Variants in PTPN3 observed in about 807,000 individuals in gnomAD.
PTPN3 encodes tyrosine-protein phosphatase non-receptor type 3.
PTPN3 carries 96 observed loss-of-function variants against 132.7 expected under a neutral mutation model. The observed-to-expected ratio is 0.72, with a 90% confidence interval of 0.61 to 0.86. The LOEUF (loss-of-function observed/expected upper bound fraction) is 0.86, where lower values mean the gene tolerates loss of function less well. PTPN3 is among the 40% of genes least tolerant of loss of function. PTPN3 has a pLI of 0.00. For missense variants in PTPN3, 1,125 were observed against 1,159.6 expected, an observed-to-expected ratio of 0.97 and a Z score of 0.43; for synonymous variants, 398 against 429.0, an observed-to-expected ratio of 0.93 and a Z score of 0.89.
chr9:109,501,713 A>G (rs756380955), upstream of PTPN3, among the ~76,000 whole-genome samples: 3 of 152,190 alleles, frequency 2.0e-5, no homozygotes, highest in Non-Finnish European at 2.9e-5. Flanking sequence ...TTAAAGCCCA[A>G]TTGGGAATAG....
intron 22 of PTPN3, among the ~76,000 whole-genome samples, chr9:109,383,919 G>A (rs1839344489): frequency 6.6e-6 from 1 of 151,776 alleles, no homozygotes; most frequent in Non-Finnish European, 1.5e-5. Context: ...ACCTCCAACG[G>A]CCCCTCCTCC....
chr9:109,406,599 T>C lies in PTPN3; in HGVS notation c.1655A>G (p.Lys552Arg). The change falls in exon 18 of 26, where the codon AAG becomes AGG. Residue 552 changes from lysine (K) to arginine (R), a missense_variant. Lys to Arg is a conservative substitution (Grantham distance 26). Coordinates refer to ENST00000374541, the MANE Select transcript of PTPN3 (RefSeq NM_002829.4). ...CACGATTTGATCCCCTTCGTTCAGC[T>C]TAGGAATGCAGGTGTCCGCCTGGGT... Reference protein sequence around the residue: ...PESPADTCIPKLNEGDQIVLI... With the variant: ...PESPADTCIPRLNEGDQIVLI... 6.2e-7 allele frequency: 1 copy of C among 1,614,120 alleles called. No homozygotes were observed. The highest frequency in any genetic ancestry group is 8.5e-7 in the Non-Finnish European group (1 of 1,179,996).
chr9:109,382,531 T>G (rs1433843337), intron 23 of PTPN3, 84 bp from the exon 24 acceptor site: 4 of 1,463,486 alleles, frequency 2.7e-6, no homozygotes, highest in Non-Finnish European at 3.8e-6. Context: ...AGGGTGGCCC[T>G]GTCTCCTGAT....
At chr9:109,470,229 C>T (rs1424924248) in intron 1 of PTPN3, among the ~76,000 whole-genome samples, 1 of 152,182 alleles carries the variant, frequency 6.6e-6, no homozygotes, top group Admixed American at 6.5e-5. Context: ...CATTTAGCAG[C>T]TAATATAGTA....
chr9:109,448,499 C>T (rs1411620158), intron 6 of PTPN3, among the ~76,000 whole-genome samples: 4 of 152,154 alleles, frequency 2.6e-5, no homozygotes, highest in African/African-American at 9.7e-5. Context: ...GATCTGCCTT[C>T]CTGAATGAAG....
At position 109,378,992 on chromosome 9, in the gene PTPN3, G is replaced by C. The variant is rs912028096; in HGVS notation, c.*564C>G. The stretch of plus-strand genomic sequence containing the variant: ...GGAAGTCGCTGGGAGATGGGACAAA[G>C]GGAGGGAGGGCAGAGAGGTGTTGCT... On this transcript the variant is annotated 3_prime_UTR_variant, in exon 26 of 26. Coordinates refer to ENST00000374541, the MANE Select transcript of PTPN3 (RefSeq NM_002829.4). 3.3e-5 allele frequency: 5 copies of C among 152,450 alleles called. No individual in the cohort carries two copies. The highest frequency in any genetic ancestry group is 1.2e-4 in the African/African-American group (5 of 41,438). The allele number at this position is 152,450 out of a possible 1,614,324, so 9.4% of individuals were successfully genotyped here.
At chr9:109,463,098 G>C (rs1045412105) in intron 2 of PTPN3, among the ~76,000 whole-genome samples, 199 bp downstream of exon 2, 2 of 151,342 alleles carry the variant, frequency 1.3e-5, no homozygotes, top group Non-Finnish European at 2.9e-5. Context: ...ACAGAAGGGC[G>C]GGGGGAAGAC....
At chr9:109,534,128 A>G in the PTPN3 span, 1 of 797,370 alleles carries the variant, frequency 1.3e-6, no homozygotes, top group South Asian at 1.3e-5. Flanking sequence ...CCGTTCCTTA[A>G]GTTGAACCAT....
intron 12 of PTPN3, among the ~76,000 whole-genome samples, chr9:109,424,679 A>G (rs1843117996): frequency 1.3e-5 from 2 of 152,198 alleles, no homozygotes; most frequent in Admixed American, 1.3e-4. Context: ...GGTATGCAAG[A>G]GAAGTTATCT....
chr9:109,503,564 C>G, the PTPN3 span, among the ~76,000 whole-genome samples: 1 of 152,058 alleles, frequency 6.6e-6, no homozygotes, highest in Non-Finnish European at 1.5e-5. Flanking sequence ...CAAAAATTAG[C>G]CAGGTGTGGT....
At chr9:109,407,823 C>G (rs1036806140) in intron 17 of PTPN3, among the ~76,000 whole-genome samples, 1 of 152,190 alleles carries the variant, frequency 6.6e-6, no homozygotes, top group East Asian at 1.9e-4. Context: ...GCTGGGATTA[C>G]AGGTGTGAGC....
At chr9:109,415,036 G>GTCCGTCCGCCCGTCCA (rs1842366765) in intron 14 of PTPN3, among the ~76,000 whole-genome samples, 2 of 145,696 alleles carry the variant, frequency 1.4e-5, no homozygotes, top group African/African-American at 5.1e-5. Flanking sequence ...CCGTCTGTCC[G>GTCCGTCCGCCCGTCCA]TCCGTCCGTC....
rs538133387 is a variant in PTPN3, at chr9:109,384,430, T to C, written c.2254-879A>G. 2.0e-5 allele frequency among the ~76,000 whole-genome samples: 3 copies of C among 152,314 alleles called. No individual in the cohort carries two copies. The South Asian group carries it at 6.2e-4, about 32-fold the overall frequency. ...GGATTAAGTGACTTGCCCAAGGCCA[T>C]GAGGTCACAGTGATGCAGTCCAGCA... On this transcript the variant is annotated intron_variant, in intron 22 of 25. Coordinates refer to ENST00000374541, the MANE Select transcript of PTPN3 (RefSeq NM_002829.4).
chr9:109,459,027 G>A (rs753965989), intron 2 of PTPN3, among the ~76,000 whole-genome samples: 9 of 152,272 alleles, frequency 5.9e-5, no homozygotes, highest in Middle Eastern at 6.8e-3. Context: ...ACCATCAGCA[G>A]AAGGACAGTC....
At chr9:109,491,978 C>T (rs1588510817) in intron 1 of PTPN3, among the ~76,000 whole-genome samples, 1 of 152,200 alleles carries the variant, frequency 6.6e-6, no homozygotes, top group Non-Finnish European at 1.5e-5. Flanking sequence ...AGGGCATGTG[C>T]AGATCATGGC....
At chr9:109,401,373 C>A (rs1180010584) in intron 19 of PTPN3, among the ~76,000 whole-genome samples, 1 of 152,156 alleles carries the variant, frequency 6.6e-6, no homozygotes, top group African/African-American at 2.4e-5. Flanking sequence ...GTGGGCGGGG[C>A]CTTGATTTAA....
intron 19 of PTPN3, among the ~76,000 whole-genome samples, chr9:109,395,835 TA>T (rs147421536): frequency 0.035 from 5,159 of 145,846 alleles, 126 homozygotes; most frequent in East Asian, 0.15. Flanking sequence ...TATATGTATA[TA>T]TTTTTTTTCA....
chr9:109,377,447 CACACACACACAA>C lies in PTPN3; in HGVS notation c.*2097_*2108del, dbSNP rs1208873308. ...ACACACACACACACACACACACACA[CACACACACACAA>C]GCCAGGTGAGGTGGCATGTGCCTAT... On this transcript the variant is annotated 3_prime_UTR_variant, in exon 26 of 26. Coordinates refer to ENST00000374541, the MANE Select transcript of PTPN3 (RefSeq NM_002829.4). 7.9e-4 allele frequency: 99 copies of C among 125,308 alleles called. No homozygotes were observed. Among genetic ancestry groups the C allele is most frequent in the African/African-American group, 2.8e-3 (94 of 33,982 alleles). 7.8% of individuals were successfully genotyped at this position (125,308 alleles called of 1,614,324 possible).
At chr9:109,515,947 A>C in the PTPN3 span, among the ~76,000 whole-genome samples, 1 of 152,186 alleles carries the variant, frequency 6.6e-6, no homozygotes, top group African/African-American at 2.4e-5. Flanking sequence ...AAACTGTATC[A>C]CTAATGAAGA....
Sources: gnomAD v4.1 joint callset for allele counts (sites outside exome capture counted in the v4.1 genomes callset) on GRCh38, gnomAD v4.1.1 for gene constraint, MANE v1.5 for transcripts, NCBI Gene and HGNC (gene_info 2026-07-23, HGNC 2026-07-21) for gene names.